Variants in MEGF11 observed in about 807,000 individuals in gnomAD.
MEGF11 encodes multiple epidermal growth factor-like domains protein 11.
In MEGF11, 126 loss-of-function variants were observed where a neutral mutation model predicts 146.6. The ratio of observed to expected loss-of-function variants is 0.86; its 90% CI spans 0.74 to 1.00. MEGF11 has a LOEUF of 1.00. MEGF11 is among the 50% of genes least tolerant of loss of function. The probability of loss-of-function intolerance (pLI) is 0.00; values close to 1 mark genes in which losing one functional copy is unlikely to be tolerated. For missense variants in MEGF11, 1,509 were observed against 1,521.2 expected (o/e 0.99, Z 0.13); for synonymous variants, 532 against 583.4 (o/e 0.91, Z 1.27).
chr15:66,167,560 G>A (rs565345885), intron 1 of MEGF11, among the ~76,000 whole-genome samples: 8 of 152,204 alleles, frequency 5.3e-5, no homozygotes, highest in African/African-American at 1.4e-4. Flanking sequence ...CAGGAGAATC[G>A]CTTGAACCCG....
chr15:65,972,391 G>C (rs752231175), intron 7 of MEGF11, among the ~76,000 whole-genome samples: 2 of 152,178 alleles, frequency 1.3e-5, no homozygotes, highest in Non-Finnish European at 2.9e-5. Context: ...TGTGGATAAA[G>C]AAATGATGTT....
chr15:66,123,549 G>A (rs2088157794), intron 3 of MEGF11, among the ~76,000 whole-genome samples: 2 of 152,152 alleles, frequency 1.3e-5, no homozygotes, highest in South Asian at 2.1e-4. Flanking sequence ...TTACTTCTAC[G>A]GCAACTGGGG....
At chr15:65,984,628 C>A (rs1485368273) in intron 5 of MEGF11, among the ~76,000 whole-genome samples, 1 of 151,048 alleles carries the variant, frequency 6.6e-6, no homozygotes, top group Admixed American at 6.6e-5. Flanking sequence ...GACACACACT[C>A]AGTGAGCAGA....
intron 5 of MEGF11, among the ~76,000 whole-genome samples, chr15:66,038,627 T>C (rs1003520185): frequency 1.3e-5 from 2 of 152,164 alleles, no homozygotes; most frequent in African/African-American, 4.8e-5. Flanking sequence ...ATGAAAAAAC[T>C]GAGGCCCAGG....
At chr15:66,083,761 T>C (rs543098962) in intron 5 of MEGF11, among the ~76,000 whole-genome samples, 2 of 151,942 alleles carry the variant, frequency 1.3e-5, no homozygotes, top group South Asian at 4.2e-4. Flanking sequence ...GAAAAAAATT[T>C]AAAAAATTAG....
At position 65,895,590 on chromosome 15, in the gene MEGF11, A is replaced by G. The variant is rs1306997839; in HGVS notation, c.*2344T>C. ...GTGATGGTGTTAGACAGAAGTTTCT[A>G]ACAGTTGCTTTGTAAGATTGAAATG... On this transcript the variant is annotated 3_prime_UTR_variant, in exon 26 of 26. Transcript: ENST00000395614. 1 of 152,642 alleles carries G rather than the reference A, an allele frequency of 6.6e-6. No homozygotes were observed. The highest frequency in any genetic ancestry group is 2.4e-5 in the African/African-American group (1 of 41,462). 9.5% of individuals were successfully genotyped at this position (152,642 alleles called of 1,614,324 possible). A position where few individuals can be genotyped will look rare whatever the true frequency, so the allele number is the denominator to read the frequency against.
intron 1 of MEGF11, among the ~76,000 whole-genome samples, chr15:66,230,568 T>C (rs922451119): frequency 2.0e-4 from 31 of 152,226 alleles, no homozygotes; most frequent in African/African-American, 7.2e-4. Context: ...AAGTTAATAA[T>C]AATAATGATA....
intron 23 of MEGF11, 91 bp from the exon 24 acceptor site, chr15:65,906,232 C>T (rs1015262086): frequency 3.8e-5 from 33 of 859,196 alleles, no homozygotes; most frequent in Non-Finnish European, 5.6e-5. Context: ...GCTTTTCCCC[C>T]CCCTTCTCCC....
At chr15:66,168,244 T>C (rs975889806) in intron 1 of MEGF11, among the ~76,000 whole-genome samples, 1 of 152,062 alleles carries the variant, frequency 6.6e-6, no homozygotes, top group Non-Finnish European at 1.5e-5. Context: ...CACTTCCCTC[T>C]GCCTGGAATG....
chr15:65,996,897 T>G (rs868347065), intron 5 of MEGF11, among the ~76,000 whole-genome samples: 1 of 152,120 alleles, frequency 6.6e-6, no homozygotes, highest in Admixed American at 6.5e-5. Context: ...CCAAGGCCAT[T>G]GGTCTGGTGA....
At chr15:65,999,924 A>C (rs531643493) in intron 5 of MEGF11, among the ~76,000 whole-genome samples, 1 of 152,276 alleles carries the variant, frequency 6.6e-6, no homozygotes, top group East Asian at 1.9e-4. Context: ...GCTTCCCCAG[A>C]AGCAGACCCT....
intron 8 of MEGF11, among the ~76,000 whole-genome samples, chr15:65,970,040 T>C (rs1452282474): frequency 6.6e-6 from 1 of 152,154 alleles, no homozygotes; most frequent in Non-Finnish European, 1.5e-5. Flanking sequence ...CTGTGTTTTT[T>C]TGATTATCCA....
intron 1 of MEGF11, among the ~76,000 whole-genome samples, chr15:66,243,806 G>A (rs1159574119): frequency 6.6e-6 from 1 of 151,986 alleles, no homozygotes; most frequent in East Asian, 1.9e-4. Context: ...AATAATTTTT[G>A]GTCTGAGAAA....
intron 5 of MEGF11, among the ~76,000 whole-genome samples, chr15:66,003,351 G>A (rs888564977): frequency 6.6e-6 from 1 of 152,114 alleles, no homozygotes. Context: ...ATCCCCATGT[G>A]CTTGTCTTTT....
Position 65,942,974 on chromosome 15 carries a change from CTTT to C in MEGF11, c.1288-12034_1288-12032del, listed in dbSNP as rs58874869. ...AAACAAAAACAAAAAAACAACTTGG[CTTT>C]TTTTTTTTTTTTTTTTTTTTTTTTT... On this transcript the variant is annotated intron_variant, in intron 10 of 25. Coordinates refer to ENST00000395614, the MANE Select transcript of MEGF11 (RefSeq NM_001385028.1). Among the ~76,000 whole-genome samples the C allele has an allele frequency of 9.8e-3, 467 of 47,560 alleles. 3 individuals are homozygous for C. Among genetic ancestry groups the C allele is most frequent in the African/African-American group, 0.026 (258 of 9,874 alleles). 31.2% of individuals were successfully genotyped at this position (47,560 alleles called of 152,430 possible).
At chr15:66,156,118 T>C (rs4776283) in intron 1 of MEGF11, among the ~76,000 whole-genome samples, 25,764 of 152,070 alleles carry the variant, frequency 0.17, 3,454 homozygotes, top group East Asian at 0.66. Context: ...CAATGTGGCC[T>C]GGAGTCCCAA....
intron 1 of MEGF11, among the ~76,000 whole-genome samples, chr15:66,146,652 G>C (rs1220325319): frequency 6.6e-6 from 1 of 152,240 alleles, no homozygotes; most frequent in South Asian, 2.1e-4. Context: ...TGTTGGATCC[G>C]TGTCAAGTTG....
At chr15:65,992,433 G>A (rs2082072600) in intron 5 of MEGF11, among the ~76,000 whole-genome samples, 1 of 102,084 alleles carries the variant, frequency 9.8e-6, no homozygotes, top group African/African-American at 3.7e-5. Context: ...CCCCGTTTGT[G>A]CCTCTGTGTG....
intron 5 of MEGF11, among the ~76,000 whole-genome samples, chr15:65,993,751 C>T (rs1163882316): frequency 2.6e-5 from 4 of 152,232 alleles, no homozygotes; most frequent in South Asian, 2.1e-4. Context: ...GAGTGGGCAA[C>T]GGCACTGGAA....
Sources: allele counts gnomAD v4.1 joint callset (sites outside exome capture counted in the v4.1 genomes callset), GRCh38; gene constraint gnomAD v4.1.1; transcripts MANE v1.5; gene names NCBI Gene and HGNC (gene_info 2026-07-23, HGNC 2026-07-21).